CA10: variants seen among roughly 807,000 people sequenced by gnomAD.
CA10 encodes the protein carbonic anhydrase-related protein 10.
A neutral mutation model predicts 44.2 loss-of-function variants in CA10; 14 were observed. The ratio of observed to expected loss-of-function variants is 0.32; its 90% CI spans 0.21 to 0.50. CA10 has a LOEUF of 0.50. Among genes scored for constraint, CA10 ranks in the 20% least tolerant of loss-of-function variants. The probability of loss-of-function intolerance (pLI) is 0.99; values close to 1 mark genes in which losing one functional copy is unlikely to be tolerated. For missense variants in CA10, 350 were observed against 409.7 expected (o/e 0.85, Z 1.26); for synonymous variants, 159 against 141.6 (o/e 1.12, Z -0.87).
At chr17:51,709,007 T>C (rs898109396) in intron 4 of CA10, among the ~76,000 whole-genome samples, 1 of 152,202 alleles carries the variant, frequency 6.6e-6, no homozygotes, top group South Asian at 2.1e-4. Flanking sequence ...CACCTTGTGA[T>C]TGTGTGAGTC....
chr17:51,686,698 G>A (rs1001663505), intron 4 of CA10, among the ~76,000 whole-genome samples: 3 of 152,098 alleles, frequency 2.0e-5, no homozygotes, highest in Admixed American at 6.5e-5. Flanking sequence ...CCACTTGGAT[G>A]TATACTTAGT....
At chr17:51,935,157 A>C (rs1436375965) in intron 2 of CA10, among the ~76,000 whole-genome samples, 1 of 152,126 alleles carries the variant, frequency 6.6e-6, no homozygotes, top group African/African-American at 2.4e-5. Flanking sequence ...GTTTATAGAC[A>C]CCCGTGTCAC....
rs147361146 is a variant in CA10 at position 52,141,030 on chromosome 17, T to C, written c.61+16696A>G. Among the ~76,000 whole-genome samples, 10 of 152,292 alleles carry C rather than the reference T, an allele frequency of 6.6e-5. No homozygotes were observed. In the East Asian group the frequency reaches 1.7e-3, roughly 26 times the overall value. The stretch of plus-strand genomic sequence containing the variant: ...TCCAGGTGATGTTCTTATTTCTGAA[T>C]ATGGTCTGACCTTCATTCCCCAAAG... On this transcript the variant is annotated intron_variant, in intron 1 of 8. Transcript: ENST00000451037.
chr17:52,081,338 TAA>T (rs1987969867), intron 1 of CA10, among the ~76,000 whole-genome samples: 1 of 152,070 alleles, frequency 6.6e-6, no homozygotes, highest in Admixed American at 6.5e-5. Flanking sequence ...TTGGCAGAAA[TAA>T]GTTTGGCTTC....
intron 2 of CA10, among the ~76,000 whole-genome samples, chr17:52,005,897 G>C (rs944637765): frequency 6.6e-6 from 1 of 151,840 alleles, no homozygotes. Context: ...ACTTGAAGAG[G>C]TAAGAAAGGT....
At chr17:51,838,895 T>C (rs556818789) in intron 3 of CA10, among the ~76,000 whole-genome samples, 9 of 152,370 alleles carry the variant, frequency 5.9e-5, no homozygotes, top group African/African-American at 1.9e-4. Flanking sequence ...TTGTGCCCTT[T>C]ATAGACTCTA....
intron 4 of CA10, among the ~76,000 whole-genome samples, chr17:51,658,271 C>T (rs1201989743): frequency 6.6e-6 from 1 of 152,144 alleles, no homozygotes; most frequent in Non-Finnish European, 1.5e-5. Context: ...CTTTGAGGGC[C>T]AACTATGTGC....
intron 3 of CA10, among the ~76,000 whole-genome samples, chr17:51,785,524 G>T (rs1417860014): frequency 6.6e-6 from 1 of 152,066 alleles, no homozygotes; most frequent in Non-Finnish European, 1.5e-5. Context: ...AATAACAAAC[G>T]CCAGTGAAGA....
chr17:51,688,638 C>A (rs1915086973), intron 4 of CA10, among the ~76,000 whole-genome samples: 1 of 152,146 alleles, frequency 6.6e-6, no homozygotes, highest in Admixed American at 6.6e-5. Flanking sequence ...CTATTTCATG[C>A]CTAAATGATT....
At chr17:52,071,866 C>T (rs924981041) in intron 2 of CA10, among the ~76,000 whole-genome samples, 5 of 152,106 alleles carry the variant, frequency 3.3e-5, no homozygotes, top group Admixed American at 6.5e-5. Context: ...GTCCTCTGCC[C>T]GCATGCTGAC....
At chr17:51,910,932 C>A (rs778976515) in intron 3 of CA10, among the ~76,000 whole-genome samples, 9 of 152,146 alleles carry the variant, frequency 5.9e-5, no homozygotes. Flanking sequence ...CAATTTATCA[C>A]TTTTGTCAAG....
chr17:51,851,439 C>A (rs761867248), intron 3 of CA10, among the ~76,000 whole-genome samples: 1 of 152,102 alleles, frequency 6.6e-6, no homozygotes, highest in Non-Finnish European at 1.5e-5. Context: ...AGTTTCCTCA[C>A]CCATAAGTGG....
At chr17:52,082,378 G>C (rs527570804) in intron 1 of CA10, among the ~76,000 whole-genome samples, 1 of 152,280 alleles carries the variant, frequency 6.6e-6, no homozygotes, top group Non-Finnish European at 1.5e-5. Flanking sequence ...AATTTTAAGA[G>C]GGTAACTATA....
At chr17:51,656,680 G>T (rs2038213300) in intron 4 of CA10, among the ~76,000 whole-genome samples, 2 of 152,204 alleles carry the variant, frequency 1.3e-5, no homozygotes, top group Admixed American at 6.5e-5. Context: ...GCGCTCTAGG[G>T]ATCAGCAGCA....
chr17:51,753,769 G>A (rs532487954), intron 3 of CA10, among the ~76,000 whole-genome samples: 4 of 152,298 alleles, frequency 2.6e-5, no homozygotes, highest in Admixed American at 2.6e-4. Flanking sequence ...TCAGTCGGGG[G>A]CCAGAACTTG....
chr17:51,909,403 C>T (rs993617416), intron 3 of CA10, among the ~76,000 whole-genome samples: 9 of 152,114 alleles, frequency 5.9e-5, no homozygotes, highest in South Asian at 4.2e-4. Flanking sequence ...CTGAAAGCCA[C>T]ACAAGTCAGG....
At chr17:51,699,791 C>A (rs1915528917) in intron 4 of CA10, among the ~76,000 whole-genome samples, 1 of 152,208 alleles carries the variant, frequency 6.6e-6, no homozygotes, top group South Asian at 2.1e-4. Context: ...ATACCAGCTT[C>A]ATCCCCATGT....
Position 51,818,151 on chromosome 17 carries a change from A to G in CA10, c.280-70333T>C, listed in dbSNP as rs560107288. Among the ~76,000 whole-genome samples, 18 of 152,336 alleles carry G rather than the reference A, an allele frequency of 1.2e-4. 1 individual carries two copies. The highest frequency in any genetic ancestry group is 9.1e-4 in the Admixed American group (14 of 15,310). ...ATTGCTGTGTGATCCTAAGTAAGTC[A>G]CTTAACCTCTCTGAGCCTCACTCCA... On this transcript the variant is annotated intron_variant, in intron 3 of 8. Coordinates refer to ENST00000451037, the MANE Select transcript of CA10 (RefSeq NM_020178.5).
intron 2 of CA10, among the ~76,000 whole-genome samples, chr17:52,001,778 A>T (rs913243948): frequency 5.9e-5 from 9 of 152,014 alleles, no homozygotes; most frequent in African/African-American, 2.2e-4. Flanking sequence ...CCTGAAGCAG[A>T]TTTTAAGTTT....
Sources: allele counts gnomAD v4.1 joint callset (sites outside exome capture counted in the v4.1 genomes callset), GRCh38; gene constraint gnomAD v4.1.1; transcripts MANE v1.5; gene names NCBI Gene and HGNC (gene_info 2026-07-23, HGNC 2026-07-21).